CORO1A: variants seen among roughly 807,000 people sequenced by gnomAD.
CORO1A encodes the protein coronin 1A.
A neutral mutation model predicts 44.1 loss-of-function variants in CORO1A; 17 were observed. That is an observed-to-expected ratio of 0.39 (90% CI 0.26 to 0.58). CORO1A has a LOEUF of 0.58. CORO1A is among the 20% of genes least tolerant of loss of function. CORO1A has a pLI of 0.62. For synonymous variants in CORO1A, 271 were observed against 244.2 expected (o/e 1.11, Z -1.02); for missense variants, 415 against 606.5 (o/e 0.68, Z 3.32).
chr16:30,187,246 C>A (rs370019525), intron 5 of CORO1A, 23 bp downstream of exon 5: 1 of 1,608,944 alleles, frequency 6.2e-7, no homozygotes, highest in South Asian at 1.1e-5. Flanking sequence ...CTACCCTGAC[C>A]TTTGACCCTA....
intron 2 of CORO1A, 175 bp downstream of exon 2, chr16:30,185,582 G>T: frequency 1.6e-6 from 1 of 623,528 alleles, no homozygotes; most frequent in Non-Finnish European, 2.8e-6. Flanking sequence ...GTGGCTGTGT[G>T]GAAACTGACG....
Position 30,188,398 on chromosome 16 carries a change from C to CAG in CORO1A, c.1104_1105dup (p.Gly369GlufsTer37). ...CAGGAGGACCTGTACCCACCCACCG[C>CAG]AGGGCCCGACCCTGCCCTCACGGCT... On this transcript the variant is annotated frameshift_variant, in exon 10 of 11. Coordinates refer to ENST00000219150, the MANE Select transcript of CORO1A (RefSeq NM_007074.4). LOFTEE classifies it high-confidence loss of function. The CAG allele has an allele frequency of 6.2e-7, 1 of 1,613,858 alleles. No individual in the cohort carries two copies. The highest frequency in any genetic ancestry group is 8.5e-7 in the Non-Finnish European group (1 of 1,180,022).
At chr16:30,186,189 A>C in intron 2 of CORO1A, 2 of 304,692 alleles carry the variant, frequency 6.6e-6, no homozygotes, top group Non-Finnish European at 1.3e-5. Flanking sequence ...CTGCAGCCCC[A>C]CCACTCACAC....
chr16:30,188,120 T>C, intron 8 of CORO1A, 33 bp downstream of exon 8: 1 of 1,613,678 alleles, frequency 6.2e-7, no homozygotes, highest in African/African-American at 1.3e-5. Flanking sequence ...CGCAGCATGC[T>C]CCTTGGGCAG....
chr16:30,186,762 AGGATG>A (rs964085070), intron 3 of CORO1A, 42 bp downstream of exon 3: 4 of 1,609,464 alleles, frequency 2.5e-6, no homozygotes, highest in Non-Finnish European at 3.4e-6. Context: ...GAGGGGCTCT[AGGATG>A]GGATCTGACA....
At chr16:30,186,394 G>C in intron 2 of CORO1A, 1 of 615,086 alleles carries the variant, frequency 1.6e-6, no homozygotes, top group Non-Finnish European at 2.9e-6. Context: ...TCTGCCATGC[G>C]TGGCCAGCCC....
chr16:30,187,610 C>T, intron 6 of CORO1A, 109 bp downstream of exon 6: 3 of 1,506,128 alleles, frequency 2.0e-6, no homozygotes, highest in South Asian at 1.2e-5. Flanking sequence ...CCTCAGTTTA[C>T]CCAGGCGTGA....
chr16:30,185,590 A>T, intron 2 of CORO1A, 183 bp downstream of exon 2: 2 of 619,648 alleles, frequency 3.2e-6, no homozygotes, highest in Non-Finnish European at 5.7e-6. Flanking sequence ...GTGGAAACTG[A>T]CGCTCAGAAG....
At chr16:30,187,891 G>A (rs760150292) in intron 7 of CORO1A, 51 bp from the exon 8 acceptor site, 2 of 1,612,168 alleles carry the variant, frequency 1.2e-6, no homozygotes, top group East Asian at 2.2e-5. Flanking sequence ...GAGGGCCAGG[G>A]CAGTGGGCAT....
Position 30,187,518 on chromosome 16 carries a change from G to T in CORO1A, c.756+17G>T. 6.3e-7 allele frequency: 1 copy of T among 1,597,986 alleles called. No individual in the cohort carries two copies. Among genetic ancestry groups the T allele is most frequent in the Non-Finnish European group, 8.5e-7 (1 of 1,178,242 alleles). On this transcript the variant is annotated intron_variant, in intron 6 of 10. Coordinates refer to ENST00000219150, the MANE Select transcript of CORO1A (RefSeq NM_007074.4). ...TGGGACACAGTGAGTGCTGGGGCAG[G>T]AAGCCGAGGGCCCCCAGGCTGGGAA...
At position 30,184,920 on chromosome 16, in the gene CORO1A, T is replaced by G; in HGVS notation, c.-1-289T>G. ...CCATCAGCCAGTCAGTCAACAAACA[T>G]GCAGTGGGGCAACACCACGCCAGGC... On this transcript the variant is annotated intron_variant, in intron 1 of 10. Transcript: ENST00000219150. The surrounding 1 kb of genome is among the most constrained non-coding windows in gnomAD (Gnocchi z 4.3). The G allele has an allele frequency of 1.9e-6, 1 of 539,150 alleles. No homozygotes were observed. Among genetic ancestry groups the G allele is most frequent in the South Asian group, 2.0e-5 (1 of 49,644 alleles). The allele number at this position is 539,150 out of a possible 1,614,324, so 33.4% of individuals were successfully genotyped here.
At position 30,188,395 on chromosome 16, in the gene CORO1A, C is replaced by G. The variant is rs1414707570; in HGVS notation, c.1100C>G (p.Thr367Ser). The G allele has an allele frequency of 6.2e-7, 1 of 1,613,732 alleles. No homozygotes were observed. The highest frequency in any genetic ancestry group is 1.3e-5 in the African/African-American group (1 of 74,932). The change falls in exon 10 of 11, where the codon ACC (threonine) becomes AGC (serine). Residue 367 changes from threonine (T) to serine (S), a missense_variant. Around this residue, in one of 2 missense-constraint regions of CORO1A, gnomAD observed 325 missense variants for 521.7 expected, o/e 0.62. Transcript: ENST00000219150. ...DLFQEDLYPP[T>S]AGPDPALTAE... Reference sequence around the variant, plus strand: ...TTCCAGGAGGACCTGTACCCACCCACCGCAGGGCCCGACCCTGCCCTCACG... The same window carrying G: ...TTCCAGGAGGACCTGTACCCACCCAGCGCAGGGCCCGACCCTGCCCTCACG...
At position 30,187,202 on chromosome 16, in the gene CORO1A, C is replaced by T. The variant is rs1476998164; in HGVS notation, c.615C>T (p.Pro205=). The part of the protein sequence containing the change: ...CRDKRVRIIE[P]RKGTVVAEKD... ...ACAAGCGCGTGCGCATCATCGAGCC[C>T]CGCAAAGGCACTGTCGTAGCTGTGA... is the stretch of plus-strand genomic sequence containing the variant. The change falls in exon 5 of 11, where the codon CCC becomes CCT. Residue 205 remains proline (P), a synonymous_variant. Transcript: ENST00000219150. 1.9e-6 allele frequency: 3 copies of T among 1,612,976 alleles called. No individual in the cohort carries two copies. Among genetic ancestry groups the T allele is most frequent in the Admixed American group, 3.3e-5 (2 of 60,002 alleles).
At position 30,187,431 on chromosome 16, in the gene CORO1A, T is replaced by A; in HGVS notation, c.686T>A (p.Val229Glu). ...ACCCGGCCCGTGCGTGCAGTGTTCG[T>A]GTCGGAGGGGAAGATCCTGACCACG... Reference protein sequence around the residue: ...EGTRPVRAVFVSEGKILTTGF... With the variant: ...EGTRPVRAVFESEGKILTTGF... Residue 229 changes from valine to glutamate, a missense_variant, in exon 6 of 11, where the codon GTG becomes GAG. Around this residue, in one of 2 missense-constraint regions of CORO1A, gnomAD observed 325 missense variants for 521.7 expected, o/e 0.62. Coordinates refer to ENST00000219150, the MANE Select transcript of CORO1A (RefSeq NM_007074.4). The A allele has an allele frequency of 6.2e-7, 1 of 1,610,956 alleles. No individual in the cohort carries two copies. Among genetic ancestry groups the A allele is most frequent in the Non-Finnish European group, 8.5e-7 (1 of 1,179,982 alleles).
At position 30,184,939 on chromosome 16, in the gene CORO1A, G is replaced by C; in HGVS notation, c.-1-270G>C. The C allele has an allele frequency of 1.8e-6, 1 of 567,276 alleles. No homozygotes were observed. The highest frequency in any genetic ancestry group is 3.2e-6 in the Non-Finnish European group (1 of 316,114). The allele number at this position is 567,276 out of a possible 1,614,324, so 35.1% of individuals were successfully genotyped here. On this transcript the variant is annotated intron_variant, in intron 1 of 10. Coordinates refer to ENST00000219150, the MANE Select transcript of CORO1A (RefSeq NM_007074.4). The surrounding 1 kb of genome is among the most constrained non-coding windows in gnomAD (Gnocchi z 4.3). ...CAAACATGCAGTGGGGCAACACCACGCCAGGCTCTGTTGCAGAGGCTGAGG... is the reference window on the plus strand; with the variant it reads ...CAAACATGCAGTGGGGCAACACCACCCCAGGCTCTGTTGCAGAGGCTGAGG...
At position 30,183,749 on chromosome 16, in the gene CORO1A, G is replaced by C. The variant is rs1179660788; in HGVS notation, c.-2+24G>C. 6.6e-6 allele frequency: 1 copy of C among 151,872 alleles called. No homozygotes were observed. 9.4% of individuals were successfully genotyped at this position (151,872 alleles called of 1,614,324 possible). On this transcript the variant is annotated intron_variant, in intron 1 of 10. Transcript: ENST00000219150. The surrounding 1 kb of genome is among the most constrained non-coding windows in gnomAD (Gnocchi z 5.0). ...AGGTGAGGCTGGGCCTGGGAGGCGCGGGTGGGCCGGGGCGAGGGCCACCTG... is the reference window on the plus strand; with the variant it reads ...AGGTGAGGCTGGGCCTGGGAGGCGCCGGTGGGCCGGGGCGAGGGCCACCTG...
chr16:30,188,677 G>A lies in CORO1A; in HGVS notation c.1281+101G>A, dbSNP rs1427124789. ...CAACATTGGGAATCTTTGTGGGTCC[G>A]GGAATGGTAATCCTGAGGCCTCAGA... On this transcript the variant is annotated intron_variant, in intron 10 of 10. Transcript: ENST00000219150. 12 of 946,988 alleles carry A rather than the reference G, an allele frequency of 1.3e-5. No individual in the cohort carries two copies. The East Asian group carries it at 1.6e-4, about 13-fold the overall frequency. The allele number at this position is 946,988 out of a possible 1,614,324, so 58.7% of individuals were successfully genotyped here.
At position 30,185,394 on chromosome 16, in the gene CORO1A, T is replaced by A; in HGVS notation, c.185T>A (p.Leu62Gln). ...EASGGGAFLV[L>Q]PLGKTGRVDK... Reference sequence around the variant, plus strand: ...AGCGGGGGAGGGGCCTTCCTGGTGCTGCCCCTGGGCAAGGTGAGCCCCTGG... The same window carrying A: ...AGCGGGGGAGGGGCCTTCCTGGTGCAGCCCCTGGGCAAGGTGAGCCCCTGG... Residue 62 changes from leucine (L) to glutamine (Q), a missense_variant, in exon 2 of 11, where the codon CTG becomes CAG. By Grantham distance (113) the Leu-to-Gln change is moderately radical. Transcript: ENST00000219150. 1 of 1,613,656 alleles carries A rather than the reference T, an allele frequency of 6.2e-7. No individual in the cohort carries two copies. Among genetic ancestry groups the A allele is most frequent in the Non-Finnish European group, 8.5e-7 (1 of 1,179,990 alleles).
intron 2 of CORO1A, chr16:30,185,681 A>G: frequency 1.9e-6 from 1 of 519,618 alleles, no homozygotes. Context: ...CCTGAGCCTC[A>G]GCCTGGGGCT....
Sources: allele counts gnomAD v4.1 joint callset, GRCh38; gene constraint gnomAD v4.1.1; regional missense constraint gnomAD v4.1.1; non-coding constraint Gnocchi (gnomAD v3.1); transcripts MANE v1.5; gene names NCBI Gene and HGNC (gene_info 2026-07-23, HGNC 2026-07-21).